PTPRO: variants seen among roughly 807,000 people sequenced by gnomAD.
The protein encoded by PTPRO is receptor-type tyrosine-protein phosphatase O.
A neutral mutation model predicts 145.2 loss-of-function variants in PTPRO; 62 were observed. That is an observed-to-expected ratio of 0.43 (90% CI 0.35 to 0.53). The LOEUF (loss-of-function observed/expected upper bound fraction) is 0.53. Ranked by LOEUF, PTPRO falls within the 20% of genes least tolerant of loss-of-function variation. The pLI, the probability that PTPRO is intolerant of heterozygous loss-of-function variation, is 0.01. For synonymous variants in PTPRO, 565 were observed against 514.7 expected, an observed-to-expected ratio of 1.10 and a Z score of -1.32; for missense variants, 1,345 against 1,482.7, an observed-to-expected ratio of 0.91 and a Z score of 1.53.
intron 15 of PTPRO, among the ~76,000 whole-genome samples, chr12:15,552,035 G>A (rs890754150): frequency 1.8e-5 from 2 of 113,832 alleles, no homozygotes; most frequent in Admixed American, 2.6e-4. Context: ...TAATAAAAAT[G>A]GAGATGACAA....
chr12:15,455,980 A>T (rs968721695), intron 1 of PTPRO, among the ~76,000 whole-genome samples: 1 of 152,190 alleles, frequency 6.6e-6, no homozygotes, highest in African/African-American at 2.4e-5. Context: ...CGTTCTGCAC[A>T]TGTATCCCAG....
chr12:15,582,211 G>A (rs571683258), intron 23 of PTPRO, among the ~76,000 whole-genome samples: 91 of 152,308 alleles, frequency 6.0e-4, no homozygotes, highest in Non-Finnish European at 9.8e-4. Context: ...CCCTCATTGC[G>A]GTAAACCGAC....
At chr12:15,415,614 C>A (rs149288290) in intron 1 of PTPRO, among the ~76,000 whole-genome samples, 13 of 151,690 alleles carry the variant, frequency 8.6e-5, no homozygotes, top group Admixed American at 2.0e-4. Flanking sequence ...CTCGATCTCC[C>A]GACCTTGTGA....
At chr12:15,524,780 T>G (rs773819101) in intron 10 of PTPRO, 34 bp from the exon 11 acceptor site, 2 of 1,589,082 alleles carry the variant, frequency 1.3e-6, no homozygotes, top group Non-Finnish European at 1.7e-6. Context: ...TATCCATCTA[T>G]TATACTAAAT....
chr12:15,363,417 G>T (rs998333989), intron 1 of PTPRO, among the ~76,000 whole-genome samples: 16 of 152,088 alleles, frequency 1.1e-4, no homozygotes, highest in African/African-American at 3.6e-4. Context: ...AAAAGATAAT[G>T]AATATGTTGG....
chr12:15,550,136 T>C (rs1006351804), intron 14 of PTPRO, among the ~76,000 whole-genome samples: 17 of 152,218 alleles, frequency 1.1e-4, no homozygotes, highest in Non-Finnish European at 2.1e-4. Context: ...TAACTACTCA[T>C]AGGCTACTGT....
intron 9 of PTPRO, among the ~76,000 whole-genome samples, chr12:15,519,376 G>A (rs1464923987): frequency 6.6e-6 from 1 of 152,146 alleles, no homozygotes; most frequent in Non-Finnish European, 1.5e-5. Context: ...ACATAGGTAT[G>A]GCTATTTTCA....
chr12:15,440,792 C>A (rs3921928), intron 1 of PTPRO, among the ~76,000 whole-genome samples: 1 of 152,088 alleles, frequency 6.6e-6, no homozygotes, highest in African/African-American at 2.4e-5. Context: ...AAGGCCATTA[C>A]GTAATGATAA....
At chr12:15,330,281 G>T (rs1866569875) in intron 1 of PTPRO, among the ~76,000 whole-genome samples, 1 of 152,180 alleles carries the variant, frequency 6.6e-6, no homozygotes, top group African/African-American at 2.4e-5. Flanking sequence ...TCAAAGAGTG[G>T]CAATGTTGAA....
At chr12:15,518,768 C>T (rs1419833173) in intron 9 of PTPRO, among the ~76,000 whole-genome samples, 2 of 152,164 alleles carry the variant, frequency 1.3e-5, no homozygotes, top group Non-Finnish European at 2.9e-5. Context: ...CACCTTTGCT[C>T]CAGTTCCCGA....
chr12:15,409,771 A>G (rs1939744941), intron 1 of PTPRO, among the ~76,000 whole-genome samples: 2 of 152,182 alleles, frequency 1.3e-5, no homozygotes, highest in African/African-American at 4.8e-5. Flanking sequence ...AAATGACCAG[A>G]TCTCACAAGA....
At chr12:15,507,110 G>T (rs986483697) in intron 6 of PTPRO, among the ~76,000 whole-genome samples, 3 of 151,992 alleles carry the variant, frequency 2.0e-5, no homozygotes, top group Non-Finnish European at 2.9e-5. Flanking sequence ...TATTTCATTG[G>T]CTTGTTATAA....
chr12:15,331,962 C>CTTTTTTTTTTTTTTTTTTTT (rs200334215), intron 1 of PTPRO, among the ~76,000 whole-genome samples: 4 of 118,258 alleles, frequency 3.4e-5, no homozygotes, highest in Admixed American at 9.2e-5. Context: ...CTCTTTCTTT[C>CTTTTTTTTTTTTTTTTTTTT]TTTTTTTTTT....
chr12:15,420,390 T>TG (rs1028814258), intron 1 of PTPRO, among the ~76,000 whole-genome samples: 2 of 151,560 alleles, frequency 1.3e-5, no homozygotes, highest in African/African-American at 4.9e-5. Context: ...CGCCAGTGTC[T>TG]GAATGCATCT....
At chr12:15,432,993 T>C (rs1940487054) in intron 1 of PTPRO, among the ~76,000 whole-genome samples, 1 of 152,102 alleles carries the variant, frequency 6.6e-6, no homozygotes, top group African/African-American at 2.4e-5. Flanking sequence ...GTTTTTGTTG[T>C]TGTTGTTGTT....
chr12:15,493,899 T>A (rs902996634), intron 2 of PTPRO, among the ~76,000 whole-genome samples: 1 of 152,192 alleles, frequency 6.6e-6, no homozygotes, highest in African/African-American at 2.4e-5. Flanking sequence ...GTATATTGTG[T>A]AGGTTATATA....
At chr12:15,449,487 T>C (rs1580252) in intron 1 of PTPRO, among the ~76,000 whole-genome samples, 136,280 of 152,228 alleles carry the variant, frequency 0.9, 62,725 homozygotes, top group East Asian at 1. Context: ...AGCAAACTTG[T>C]GGTTATATAG....
intron 11 of PTPRO, 21 bp from the exon 12 acceptor site, chr12:15,526,121 T>G (rs753085660): frequency 1.4e-5 from 23 of 1,613,848 alleles, no homozygotes; most frequent in Non-Finnish European, 1.9e-5. Context: ...GTTTAAACCC[T>G]TGATTTTGAT....
At chr12:15,328,093 G>A (rs908940933) in intron 1 of PTPRO, among the ~76,000 whole-genome samples, 3 of 150,384 alleles carry the variant, frequency 2.0e-5, no homozygotes, top group African/African-American at 4.9e-5. Flanking sequence ...CAGCCTGGGC[G>A]ACAAGAGTGA....
Sources: gnomAD v4.1 joint callset for allele counts (sites outside exome capture counted in the v4.1 genomes callset) on GRCh38, gnomAD v4.1.1 for gene constraint, MANE v1.5 for transcripts, NCBI Gene and HGNC (gene_info 2026-07-23, HGNC 2026-07-21) for gene names.